Variants in FHOD3 observed in about 807,000 individuals in gnomAD.
FHOD3 encodes FH1/FH2 domain-containing protein 3.
In FHOD3, 90 loss-of-function variants were observed where a neutral mutation model predicts 173.0. That is an observed-to-expected ratio of 0.52 (90% CI 0.44 to 0.62). FHOD3 has a LOEUF of 0.62. Among genes scored for constraint, FHOD3 ranks in the 20% least tolerant of loss-of-function variants. FHOD3 has a pLI of 0.00. For synonymous variants in FHOD3, 828 were observed against 823.0 expected (o/e 1.01, Z -0.10); for missense variants, 1,945 against 2,034.7 (o/e 0.96, Z 0.85).
At chr18:36,474,497 C>T (rs906047369) in intron 3 of FHOD3, among the ~76,000 whole-genome samples, 1 of 152,100 alleles carries the variant, frequency 6.6e-6, no homozygotes, top group Non-Finnish European at 1.5e-5. Context: ...GAGTTGGAGG[C>T]AAACTGCAAA....
intron 2 of FHOD3, among the ~76,000 whole-genome samples, chr18:36,364,912 G>C (rs758594946): frequency 1.6e-4 from 25 of 152,240 alleles, no homozygotes; most frequent in Non-Finnish European, 3.1e-4. Context: ...GCAGAAGGGT[G>C]GTGGGGGCAG....
At chr18:36,493,247 A>C (rs982042781) in intron 3 of FHOD3, among the ~76,000 whole-genome samples, 2 of 140,750 alleles carry the variant, frequency 1.4e-5, no homozygotes, top group Non-Finnish European at 3.0e-5. Context: ...TTGTATATGG[A>C]GGCCATAACT....
chr18:36,388,519 G>A (rs1341963432), intron 3 of FHOD3, among the ~76,000 whole-genome samples: 1 of 152,164 alleles, frequency 6.6e-6, no homozygotes, highest in Non-Finnish European at 1.5e-5. Context: ...CATGCCCCAG[G>A]GGTCTTTTAG....
chr18:36,519,837 T>C (rs2056183013), intron 5 of FHOD3, among the ~76,000 whole-genome samples: 1 of 152,220 alleles, frequency 6.6e-6, no homozygotes, highest in Non-Finnish European at 1.5e-5. Flanking sequence ...CTAAGCACTT[T>C]GGCTCTAAGG....
intron 16 of FHOD3, among the ~76,000 whole-genome samples, chr18:36,687,501 T>G (rs2038701267): frequency 2.0e-5 from 3 of 152,236 alleles, no homozygotes; most frequent in Non-Finnish European, 1.5e-5. Flanking sequence ...CATGCTTTTA[T>G]GTCACATGGT....
chr18:36,773,458 A>G (rs1008588563), intron 28 of FHOD3, among the ~76,000 whole-genome samples: 3 of 152,198 alleles, frequency 2.0e-5, no homozygotes, highest in Non-Finnish European at 4.4e-5. Context: ...CCAAGTTCAA[A>G]TGGAATCCAT....
intron 2 of FHOD3, among the ~76,000 whole-genome samples, chr18:36,357,456 A>T (rs1022899583): frequency 3.3e-5 from 5 of 152,200 alleles, no homozygotes; most frequent in African/African-American, 1.2e-4. Context: ...AAGAAGACCA[A>T]GGTCCTTGTT....
chr18:36,778,157 T>C (rs757410217), intron 28 of FHOD3: 18 of 152,098 alleles, frequency 1.2e-4, no homozygotes, highest in Non-Finnish European at 2.5e-4. Flanking sequence ...ACAGGCTGAG[T>C]GAGCTTATAT....
intron 5 of FHOD3, among the ~76,000 whole-genome samples, chr18:36,532,468 C>T (rs1230552602): frequency 2.6e-5 from 4 of 152,182 alleles, no homozygotes; most frequent in Admixed American, 1.3e-4. Context: ...GGCTGTCATG[C>T]CCATAGGAAG....
intron 9 of FHOD3, 128 bp from the exon 10 acceptor site, chr18:36,625,383 T>A (rs1048729477): frequency 5.2e-5 from 41 of 787,558 alleles, no homozygotes; most frequent in Non-Finnish European, 7.3e-6. Flanking sequence ...GCAGGGAAGC[T>A]GAGGCGTGCA....
intron 6 of FHOD3, among the ~76,000 whole-genome samples, chr18:36,583,105 A>G (rs1384251971): frequency 6.6e-6 from 1 of 152,236 alleles, no homozygotes; most frequent in Non-Finnish European, 1.5e-5. Flanking sequence ...AGTGGGACAG[A>G]GACAAGGAAT....
intron 5 of FHOD3, among the ~76,000 whole-genome samples, chr18:36,544,204 G>A (rs1198356919): frequency 6.6e-6 from 1 of 152,204 alleles, no homozygotes; most frequent in Non-Finnish European, 1.5e-5. Context: ...CAGACTGCCT[G>A]GCAGGAGAGA....
At position 36,456,370 on chromosome 18, in the gene FHOD3, T is replaced by C. The variant is rs182546077; in HGVS notation, c.338-45562T>C. ...TGTAGACTTTATCAGCAGCACCATC[T>C]TAGGGGTTTGTAGCCTGGATATGCT... is the stretch of plus-strand genomic sequence containing the variant. On this transcript the variant is annotated intron_variant, in intron 3 of 28. Transcript: ENST00000590592. Among the ~76,000 whole-genome samples, 17 of 152,232 alleles carry C rather than the reference T, an allele frequency of 1.1e-4. No homozygotes were observed. In the East Asian group the frequency reaches 3.3e-3, roughly 29 times the overall value.
chr18:36,372,803 T>C, intron 3 of FHOD3, 59 bp downstream of exon 3: 2 of 1,433,512 alleles, frequency 1.4e-6, no homozygotes, highest in African/African-American at 1.4e-5. Flanking sequence ...CTTATGGGAA[T>C]AAAATAAAGA....
chr18:36,440,681 C>T (rs572900523), intron 3 of FHOD3, among the ~76,000 whole-genome samples: 1 of 152,314 alleles, frequency 6.6e-6, no homozygotes, highest in East Asian at 1.9e-4. Flanking sequence ...CTTAATGAAC[C>T]TAAGCACCTT....
intron 3 of FHOD3, among the ~76,000 whole-genome samples, chr18:36,427,832 G>A (rs1267910918): frequency 3.9e-5 from 6 of 152,336 alleles, no homozygotes; most frequent in Admixed American, 2.6e-4. Context: ...ATAAGTCATT[G>A]TAAATTAGGA....
At chr18:36,472,129 A>T (rs2053318511) in intron 3 of FHOD3, among the ~76,000 whole-genome samples, 1 of 152,140 alleles carries the variant, frequency 6.6e-6, no homozygotes, top group Non-Finnish European at 1.5e-5. Flanking sequence ...CTTTGCTGTA[A>T]TCTTAAATAT....
At chr18:36,354,660 G>T (rs954891737) in intron 1 of FHOD3, among the ~76,000 whole-genome samples, 1 of 152,066 alleles carries the variant, frequency 6.6e-6, no homozygotes, top group Non-Finnish European at 1.5e-5. Flanking sequence ...AACAAAATTG[G>T]CTAGGCATGG....
At chr18:36,333,716 A>T (rs981547906) in intron 1 of FHOD3, among the ~76,000 whole-genome samples, 6 of 151,874 alleles carry the variant, frequency 4.0e-5, no homozygotes, top group Admixed American at 3.9e-4. Context: ...CAGACTTTTG[A>T]CCCCACCGCC....
Sources: gnomAD v4.1 joint callset for allele counts (sites outside exome capture counted in the v4.1 genomes callset) on GRCh38, gnomAD v4.1.1 for gene constraint, MANE v1.5 for transcripts, NCBI Gene and HGNC (gene_info 2026-07-23, HGNC 2026-07-21) for gene names.